The following TRIM5 variants were observed in gnomAD, a reference collection of about 807,000 sequenced individuals.
TRIM5 encodes tripartite motif containing 5, also known as tripartite motif-containing protein 5.
In TRIM5, 31 loss-of-function variants were observed where a neutral mutation model predicts 35.6. That is an observed-to-expected ratio of 0.87 (90% CI 0.65 to 1.18). The LOEUF (loss-of-function observed/expected upper bound fraction) is 1.18, where lower values mean the gene tolerates loss of function less well. Among genes scored for constraint, TRIM5 ranks in the 50% most tolerant of loss-of-function variants. The pLI, the probability that TRIM5 is intolerant of heterozygous loss-of-function variation, is 0.00. For missense variants in TRIM5, 609 were observed against 591.6 expected (o/e 1.03, Z -0.31); for synonymous variants, 243 against 215.6 (o/e 1.13, Z -1.11).
At chr11:5,668,615 A>C (rs1851327312) in intron 4 of TRIM5, among the ~76,000 whole-genome samples, 1 of 151,730 alleles carries the variant, frequency 6.6e-6, no homozygotes, top group Admixed American at 6.6e-5. Context: ...ATGCCCGGCT[A>C]TTTTTTGTAT....
At chr11:5,593,759 C>A in the TRIM5 span, among the ~76,000 whole-genome samples, 1 of 152,176 alleles carries the variant, frequency 6.6e-6, no homozygotes, top group Non-Finnish European at 1.5e-5. Flanking sequence ...CACCCTGAGT[C>A]TAGAACTGCA....
chr11:5,633,230 C>G, the TRIM5 span, among the ~76,000 whole-genome samples: 1 of 149,404 alleles, frequency 6.7e-6, no homozygotes, highest in Admixed American at 6.7e-5. Flanking sequence ...GGAGTCAGCC[C>G]TTTTCATCCT....
the TRIM5 span, among the ~76,000 whole-genome samples, chr11:5,654,631 T>C: frequency 2.6e-5 from 4 of 152,062 alleles, no homozygotes; most frequent in Non-Finnish European, 4.4e-5. Context: ...TGTGGGTGAG[T>C]GTGGGTTTGT....
At chr11:5,610,286 T>C in the TRIM5 span, 1 of 1,613,184 alleles carries the variant, frequency 6.2e-7, no homozygotes, top group South Asian at 1.1e-5. Flanking sequence ...GTGAAATTAC[T>C]GTCGTGGGAA....
chr11:5,680,459 T>C lies in TRIM5; in HGVS notation c.-61-221A>G, dbSNP rs572598583. ...TGTCATATGACAAATTCTGTTCTTA[T>C]CTGTGCATTGGTTATCATTTTTCTT... On this transcript the variant is annotated intron_variant, in intron 1 of 7. Transcript: ENST00000380034. Among the ~76,000 whole-genome samples the C allele has an allele frequency of 2.6e-5, 4 of 152,354 alleles. No individual in the cohort carries two copies. The South Asian group carries it at 6.2e-4, about 24-fold the overall frequency.
the TRIM5 span, chr11:5,632,275 A>G: frequency 6.2e-7 from 1 of 1,610,452 alleles, no homozygotes; most frequent in East Asian, 2.2e-5. Context: ...GTCTTTAACC[A>G]GAAGAGAGAG....
At chr11:5,590,116 G>C in the TRIM5 span, 48 of 155,614 alleles carry the variant, frequency 3.1e-4, no homozygotes, top group Middle Eastern at 9.6e-3. Context: ...GCCTTCCTGC[G>C]GGGCAGGCCT....
the TRIM5 span, chr11:5,643,514 C>T: frequency 6.2e-7 from 1 of 1,614,194 alleles, no homozygotes; most frequent in South Asian, 1.1e-5. Context: ...TTTTGACTCT[C>T]TCCATGGCTG....
At chr11:5,641,087 T>A in the TRIM5 span, 34 of 1,497,608 alleles carry the variant, frequency 2.3e-5, no homozygotes, top group Non-Finnish European at 2.9e-5. Context: ...TCCATTTTTT[T>A]TCCTACTGTT....
downstream of TRIM5, among the ~76,000 whole-genome samples, chr11:5,662,040 G>A (rs1850844979): frequency 6.6e-6 from 1 of 152,190 alleles, no homozygotes; most frequent in South Asian, 2.1e-4. Context: ...AATCTTCATA[G>A]CATTGGGTGA....
the TRIM5 span, among the ~76,000 whole-genome samples, chr11:5,636,152 G>A: frequency 6.2e-3 from 949 of 152,278 alleles, 13 homozygotes; most frequent in Non-Finnish European, 9.7e-3. Flanking sequence ...GATTGGATAA[G>A]CAAAATGTGT....
intron 4 of TRIM5, among the ~76,000 whole-genome samples, chr11:5,670,244 C>G (rs12796811): frequency 0.14 from 17,432 of 127,876 alleles, 1,188 homozygotes; most frequent in Middle Eastern, 0.21. Flanking sequence ...GTGGTGCGAT[C>G]TCAGCTCACT....
Position 5,664,545 on chromosome 11 carries a change from C to A in TRIM5, c.*264G>T, listed in dbSNP as rs548743676. ...TCTGGCAGAAGTAATACCTAAATAGCGGTCTCATTTTATGAGGTATAGGTC... is the reference window on the plus strand; with the variant it reads ...TCTGGCAGAAGTAATACCTAAATAGAGGTCTCATTTTATGAGGTATAGGTC... On this transcript the variant is annotated 3_prime_UTR_variant, in exon 8 of 8. Coordinates refer to ENST00000380034, the MANE Select transcript of TRIM5 (RefSeq NM_033034.3). 9.4e-5 allele frequency: 109 copies of A among 1,161,530 alleles called. 1 individual carries two copies. In the East Asian group the frequency reaches 4.0e-3, roughly 42 times the overall value. 72.0% of individuals were successfully genotyped at this position (1,161,530 alleles called of 1,614,324 possible).
rs1297801058 is a variant in TRIM5, at chr11:5,664,235, GA to G, written c.*573del. ...AAAAAAAGAAAAAAGAAAAGAAAAG[GA>G]AATAAGCACAGCCATTTAAGTATGT... On this transcript the variant is annotated 3_prime_UTR_variant, in exon 8 of 8. Coordinates refer to ENST00000380034, the MANE Select transcript of TRIM5 (RefSeq NM_033034.3). 2.2e-6 allele frequency: 2 copies of G among 910,204 alleles called. No homozygotes were observed. The highest frequency in any genetic ancestry group is 2.6e-6 in the Non-Finnish European group (2 of 762,296). 56.4% of individuals were successfully genotyped at this position (910,204 alleles called of 1,614,324 possible).
the TRIM5 span, among the ~76,000 whole-genome samples, chr11:5,641,901 A>G: frequency 6.6e-6 from 1 of 152,116 alleles, no homozygotes; most frequent in Admixed American, 6.5e-5. Context: ...GAAATCTCAA[A>G]TATGCGCCAT....
At chr11:5,666,294 C>G (rs1851132601) in intron 5 of TRIM5, 3 of 634,690 alleles carry the variant, frequency 4.7e-6, no homozygotes, top group Non-Finnish European at 8.7e-6. Flanking sequence ...GTGGGAAGAT[C>G]TTAACCTCTC....
At chr11:5,615,324 A>G in the TRIM5 span, among the ~76,000 whole-genome samples, 2 of 152,122 alleles carry the variant, frequency 1.3e-5, no homozygotes, top group Admixed American at 1.3e-4. Flanking sequence ...CTGCTTTTCT[A>G]TGAGAGAGGG....
the TRIM5 span, chr11:5,604,394 G>C: frequency 1.2e-6 from 1 of 839,850 alleles, no homozygotes; most frequent in Non-Finnish European, 1.8e-6. Flanking sequence ...TAAAAGATTT[G>C]TTGGCCCTCT....
chr11:5,610,211 C>A, the TRIM5 span: 1 of 1,613,962 alleles, frequency 6.2e-7, no homozygotes, highest in South Asian at 1.1e-5. Flanking sequence ...TGTTCCGAGC[C>A]CCAGATCTGA....
Sources: allele counts gnomAD v4.1 joint callset (sites outside exome capture counted in the v4.1 genomes callset), GRCh38; gene constraint gnomAD v4.1.1; transcripts MANE v1.5; gene names NCBI Gene and HGNC (gene_info 2026-07-23, HGNC 2026-07-21).